Variants in HMCN1 observed in about 807,000 individuals in gnomAD.
HMCN1 encodes hemicentin 1.
HMCN1 carries 321 observed loss-of-function variants against 625.9 expected under a neutral mutation model. The ratio of observed to expected loss-of-function variants is 0.51; its 90% CI spans 0.47 to 0.56. The LOEUF (loss-of-function observed/expected upper bound fraction) is 0.56, where lower values mean the gene tolerates loss of function less well. Among genes scored for constraint, HMCN1 ranks in the 20% least tolerant of loss-of-function variants. The pLI is 0.00. For synonymous variants in HMCN1, 2,425 were observed against 2,417.6 expected (o/e 1.00, Z -0.09); for missense variants, 6,588 against 6,887.3 (o/e 0.96, Z 1.54).
At chr1:185,748,024 G>A (rs1459337469) in intron 1 of HMCN1, among the ~76,000 whole-genome samples, 1 of 146,188 alleles carries the variant, frequency 6.8e-6, no homozygotes, top group Non-Finnish European at 1.5e-5. Context: ...TACAAGAAAG[G>A]GTACTTAAAA....
At chr1:185,771,263 G>A (rs1315534237) in intron 1 of HMCN1, among the ~76,000 whole-genome samples, 1 of 152,180 alleles carries the variant, frequency 6.6e-6, no homozygotes, top group East Asian at 1.9e-4. Context: ...ACAAAGGACA[G>A]GAGGGATCAG....
At chr1:185,902,409 A>ATCTATCTATC (rs1665863196) in intron 4 of HMCN1, among the ~76,000 whole-genome samples, 2 of 76,026 alleles carry the variant, frequency 2.6e-5, no homozygotes, top group African/African-American at 1.9e-4. Flanking sequence ...ATCTATCTCT[A>ATCTATCTATC]TCTATCTATC....
chr1:185,832,493 G>A (rs894200559), intron 1 of HMCN1, among the ~76,000 whole-genome samples: 3 of 152,196 alleles, frequency 2.0e-5, no homozygotes, highest in African/African-American at 7.2e-5. Context: ...GAATACATAT[G>A]TGAATCATAG....
At position 186,127,710 on chromosome 1, in the gene HMCN1, G is replaced by C. The variant is rs1008049402; in HGVS notation, c.12691-368G>C. Among the ~76,000 whole-genome samples the C allele has an allele frequency of 4.6e-5, 7 of 152,170 alleles. 1 individual carries two copies. Among genetic ancestry groups the C allele is most frequent in the East Asian group, 1.9e-4 (1 of 5,168 alleles). ...TCCTCTGATAGTTTTGTTGATCTTT[G>C]GTACCGCCTTAGAGAGCCAATTATG... On this transcript the variant is annotated intron_variant, in intron 82 of 106. Transcript: ENST00000271588.
chr1:185,982,436 C>CT (rs766406820), intron 18 of HMCN1, 47 bp downstream of exon 18: 76 of 1,426,772 alleles, frequency 5.3e-5, no homozygotes, highest in Middle Eastern at 4.4e-4. Flanking sequence ...TGTGAGTTTT[C>CT]TTTTCTTTTT....
At chr1:185,986,264 A>G (rs565383889) in intron 19 of HMCN1, among the ~76,000 whole-genome samples, 1 of 152,246 alleles carries the variant, frequency 6.6e-6, no homozygotes, top group Non-Finnish European at 1.5e-5. Flanking sequence ...ATTTTTTTGC[A>G]CTGAGGTTTC....
chr1:185,949,204 A>T (rs999792063), intron 11 of HMCN1, among the ~76,000 whole-genome samples: 2 of 151,840 alleles, frequency 1.3e-5, no homozygotes, highest in African/African-American at 2.4e-5. Flanking sequence ...TTGGAAAAAC[A>T]GTGTAAACCG....
At chr1:185,738,010 G>C (rs947963734) in intron 1 of HMCN1, among the ~76,000 whole-genome samples, 2 of 152,172 alleles carry the variant, frequency 1.3e-5, no homozygotes, top group Non-Finnish European at 2.9e-5. Context: ...CATGTGTCTA[G>C]AGTAGGAGGA....
At chr1:186,025,891 A>G (rs1540925) in intron 36 of HMCN1, among the ~76,000 whole-genome samples, 94,828 of 152,112 alleles carry the variant, frequency 0.62, 30,455 homozygotes, top group African/African-American at 0.79. Context: ...AAAGTAAGGT[A>G]TAGTAGTAGG....
intron 4 of HMCN1, among the ~76,000 whole-genome samples, chr1:185,886,966 C>G (rs563643271): frequency 4.1e-4 from 63 of 152,236 alleles, no homozygotes; most frequent in Admixed American, 2.7e-3. Context: ...CTCCATTCCC[C>G]ACTCTAATTA....
chr1:186,160,665 G>C (rs372106622), intron 97 of HMCN1, among the ~76,000 whole-genome samples: 405 of 152,068 alleles, frequency 2.7e-3, no homozygotes, highest in African/African-American at 4.5e-3. Context: ...TTTCTGCCTT[G>C]ATTTCGTTAT....
chr1:185,862,247 T>A (rs1662920648), intron 2 of HMCN1, among the ~76,000 whole-genome samples: 1 of 152,162 alleles, frequency 6.6e-6, no homozygotes, highest in African/African-American at 2.4e-5. Context: ...GAACGTGATG[T>A]ATATACCTCT....
At chr1:185,775,141 T>C (rs931021736) in intron 1 of HMCN1, among the ~76,000 whole-genome samples, 19 of 152,208 alleles carry the variant, frequency 1.2e-4, no homozygotes, top group Non-Finnish European at 2.8e-4. Context: ...ACTGAGATTA[T>C]CACCTGGATA....
intron 83 of HMCN1, among the ~76,000 whole-genome samples, chr1:186,129,337 TTA>T (rs1171897294): frequency 6.6e-6 from 1 of 151,030 alleles, no homozygotes; most frequent in Non-Finnish European, 1.5e-5. Flanking sequence ...CTTCTAAATG[TTA>T]TATGTTATTT....
At chr1:186,183,862 C>G (rs1236401243) in intron 105 of HMCN1, among the ~76,000 whole-genome samples, 1 of 152,190 alleles carries the variant, frequency 6.6e-6, no homozygotes, top group Non-Finnish European at 1.5e-5. Flanking sequence ...CCACTTTTCC[C>G]CAGTTCTTCA....
intron 1 of HMCN1, among the ~76,000 whole-genome samples, chr1:185,842,881 C>T (rs542995307): frequency 3.3e-5 from 5 of 152,224 alleles, no homozygotes; most frequent in African/African-American, 1.2e-4. Flanking sequence ...TCTCCTTTCA[C>T]AGAATGGAGA....
chr1:185,749,498 G>A (rs533114337), intron 1 of HMCN1, among the ~76,000 whole-genome samples: 4 of 152,208 alleles, frequency 2.6e-5, no homozygotes, highest in South Asian at 2.1e-4. Flanking sequence ...TCATCAACCC[G>A]TCCCCACCCT....
chr1:186,105,613 G>T (rs1660572042), intron 69 of HMCN1, among the ~76,000 whole-genome samples: 1 of 152,192 alleles, frequency 6.6e-6, no homozygotes, highest in Non-Finnish European at 1.5e-5. Flanking sequence ...GAGCCATAAT[G>T]CATGTCCACC....
At chr1:186,140,592 TTAA>T (rs1292799738) in intron 89 of HMCN1, among the ~76,000 whole-genome samples, 2 of 152,216 alleles carry the variant, frequency 1.3e-5, no homozygotes, top group African/African-American at 4.8e-5. Flanking sequence ...ACTTCTATTA[TTAA>T]TAAGTATTTT....
Sources: allele counts gnomAD v4.1 joint callset (sites outside exome capture counted in the v4.1 genomes callset), GRCh38; gene constraint gnomAD v4.1.1; transcripts MANE v1.5; gene names NCBI Gene and HGNC (gene_info 2026-07-23, HGNC 2026-07-21).